The following MRPL30 variants were observed in gnomAD, a reference collection of about 807,000 sequenced individuals.
MRPL30 encodes large ribosomal subunit protein uL30m.
A neutral mutation model predicts 17.2 loss-of-function variants in MRPL30; 10 were observed. That is an observed-to-expected ratio of 0.58 (90% CI 0.36 to 0.99). MRPL30 has a LOEUF of 0.99. Ranked by LOEUF, MRPL30 falls within the 50% of genes least tolerant of loss-of-function variation. MRPL30 has a pLI of 0.01. For missense variants in MRPL30, 170 were observed against 189.8 expected (o/e 0.90, Z 0.61); for synonymous variants, 61 against 62.1 (o/e 0.98, Z 0.08).
chr2:99,198,944 A>T lies in MRPL30; in HGVS notation c.*3239A>T, dbSNP rs2093959223. Among the ~76,000 whole-genome samples the T allele has an allele frequency of 2.0e-5, 3 of 147,080 alleles. No individual in the cohort carries two copies. In the South Asian group the frequency reaches 6.5e-4, roughly 32 times the overall value. On this transcript the variant is annotated 3_prime_UTR_variant, in exon 6 of 6. Transcript: ENST00000338148. ...TTCAGGCCAAACACCTATTTTCTTCATTTTTTTTTTCTCATAAGAATGCTA... is the reference window on the plus strand; with the variant it reads ...TTCAGGCCAAACACCTATTTTCTTCTTTTTTTTTTTCTCATAAGAATGCTA...
chr2:99,184,524 C>T (rs886346136), intron 1 of MRPL30, among the ~76,000 whole-genome samples: 6 of 152,160 alleles, frequency 3.9e-5, no homozygotes, highest in African/African-American at 1.2e-4. Flanking sequence ...CCCACTTCAA[C>T]AGTGAGAATC....
rs1380953543 is a variant in MRPL30, at chr2:99,196,560, C to G, written c.*855C>G. The G allele has an allele frequency of 3.3e-5, 5 of 152,326 alleles. No homozygotes were observed. The highest frequency in any genetic ancestry group is 1.2e-4 in the African/African-American group (5 of 41,468). The allele number at this position is 152,326 out of a possible 1,614,324, so 9.4% of individuals were successfully genotyped here. On this transcript the variant is annotated 3_prime_UTR_variant, in exon 6 of 6. Transcript: ENST00000338148. Reference sequence around the variant, plus strand: ...GTTCAAGCCATCCTCCCACCTCAGCCTCCCAAAATGCTGGGATTACAGGCA... The same window carrying G: ...GTTCAAGCCATCCTCCCACCTCAGCGTCCCAAAATGCTGGGATTACAGGCA...
At chr2:99,184,471 A>G (rs930310935) in intron 1 of MRPL30, among the ~76,000 whole-genome samples, 3 of 152,192 alleles carry the variant, frequency 2.0e-5, no homozygotes, top group Non-Finnish European at 2.9e-5. Context: ...AATCTAGTAT[A>G]TAAGGATCAT....
chr2:99,184,041 C>G (rs898186956), intron 1 of MRPL30, among the ~76,000 whole-genome samples: 16 of 151,886 alleles, frequency 1.1e-4, no homozygotes, highest in Admixed American at 9.2e-4. Context: ...TTTGTTCTTT[C>G]TCATTAACTT....
intron 3 of MRPL30, among the ~76,000 whole-genome samples, chr2:99,193,978 C>T (rs1371234100): frequency 6.8e-6 from 1 of 146,410 alleles, no homozygotes; most frequent in Non-Finnish European, 1.5e-5. Context: ...GCAGAGGTTG[C>T]AGTGAGCCAA....
At chr2:99,184,790 G>T (rs1484558886) in intron 1 of MRPL30, among the ~76,000 whole-genome samples, 3 of 152,206 alleles carry the variant, frequency 2.0e-5, no homozygotes, top group Non-Finnish European at 4.4e-5. Context: ...GCTGAGGAAT[G>T]TTTCTGAGGT....
In MRPL30 at chr2:99,199,150, C is replaced by T. The variant is rs1332726818; in HGVS notation, c.*3445C>T. Among the ~76,000 whole-genome samples the T allele has an allele frequency of 6.6e-6, 1 of 152,074 alleles. No homozygotes were observed. Among genetic ancestry groups the T allele is most frequent in the Admixed American group, 6.5e-5 (1 of 15,268 alleles). On this transcript the variant is annotated 3_prime_UTR_variant, in exon 6 of 6. Transcript: ENST00000338148. Reference sequence around the variant, plus strand: ...TTTTTCTCAAAATGGGATAATTTTGCTTAACATAAGTAGTATCCCTTCCTT... The same window carrying T: ...TTTTTCTCAAAATGGGATAATTTTGTTTAACATAAGTAGTATCCCTTCCTT...
rs1443580649 is a variant in MRPL30 at position 99,186,259 on chromosome 2, G to A, written c.51+5G>A. The A allele has an allele frequency of 1.1e-5, 18 of 1,613,388 alleles. No homozygotes were observed. Among genetic ancestry groups the A allele is most frequent in the Non-Finnish European group, 1.4e-5 (16 of 1,179,570 alleles). On this transcript the variant is annotated splice_donor_5th_base_variant and intron_variant, in intron 2 of 5. Transcript: ENST00000338148. ...TGGCCCCCAGGCAGACTACAGGTAA[G>A]TGTTTCTTTTCAAGAATTTGTCTTT...
rs1195933063 is a variant in MRPL30, at chr2:99,196,459, A to G, written c.*754A>G. 6.6e-6 allele frequency: 1 copy of G among 151,986 alleles called. No individual in the cohort carries two copies. The highest frequency in any genetic ancestry group is 1.5e-5 in the Non-Finnish European group (1 of 68,036). The allele number at this position is 151,986 out of a possible 1,614,324, so 9.4% of individuals were successfully genotyped here. A position where few individuals can be genotyped will look rare whatever the true frequency, so the allele number is the denominator to read the frequency against. On this transcript the variant is annotated 3_prime_UTR_variant, in exon 6 of 6. Transcript: ENST00000338148. The stretch of plus-strand genomic sequence containing the variant: ...AGGACTACAGGCAGTGTGCCACCAC[A>G]TCCAGCTAATTTTTTAAAGTTTTTT...
intron 5 of MRPL30, 63 bp downstream of exon 5, chr2:99,195,252 T>G (rs990194642): frequency 6.8e-7 from 1 of 1,467,040 alleles, no homozygotes; most frequent in African/African-American, 1.4e-5. Flanking sequence ...AAATGCATTT[T>G]TCTTTTTTCG....
intron 1 of MRPL30, among the ~76,000 whole-genome samples, chr2:99,185,444 G>A (rs982971099): frequency 2.6e-5 from 4 of 152,152 alleles, no homozygotes; most frequent in Non-Finnish European, 5.9e-5. Flanking sequence ...AAATTGTAAC[G>A]CACGAATTAA....
intron 2 of MRPL30, chr2:99,186,986 A>G (rs184175217): frequency 6.6e-6 from 1 of 152,374 alleles, no homozygotes; most frequent in African/African-American, 2.4e-5. Flanking sequence ...AGATGAGCCT[A>G]TTGACCTGCT....
At position 99,195,683 on chromosome 2, in the gene MRPL30, A is replaced by C; in HGVS notation, c.464A>C (p.Glu155Ala). Residue 155 changes from glutamate to alanine, a missense_variant, in exon 6 of 6, where the codon GAG becomes GCG. Glu to Ala is a moderately radical substitution (Grantham distance 107, BLOSUM62 -1). Coordinates refer to ENST00000338148, the MANE Select transcript of MRPL30 (RefSeq NM_145212.4). Reference protein sequence around the residue: ...LVVQWHLKPVEQKAHES With the variant: ...LVVQWHLKPVAQKAHES The stretch of plus-strand genomic sequence containing the variant: ...GTGCAGTGGCATCTGAAACCTGTGG[A>C]GCAGAAAGCACATGAGTCCTAATGC... 1.2e-6 allele frequency: 2 copies of C among 1,613,254 alleles called. No individual in the cohort carries two copies. The highest frequency in any genetic ancestry group is 1.7e-6 in the Non-Finnish European group (2 of 1,179,792).
chr2:99,193,493 G>A (rs1486643085), intron 3 of MRPL30, among the ~76,000 whole-genome samples: 2 of 151,838 alleles, frequency 1.3e-5, no homozygotes, highest in Non-Finnish European at 2.9e-5. Flanking sequence ...TTGATCTAAT[G>A]TCTTTGAGAC....
chr2:99,188,657 C>G (rs778976073), intron 3 of MRPL30, among the ~76,000 whole-genome samples: 1 of 152,104 alleles, frequency 6.6e-6, no homozygotes, highest in Non-Finnish European at 1.5e-5. Flanking sequence ...TTCTGTGTAC[C>G]TATCATTCTT....
intron 1 of MRPL30, among the ~76,000 whole-genome samples, chr2:99,182,023 G>A (rs539832577): frequency 6.6e-6 from 1 of 152,092 alleles, no homozygotes; most frequent in African/African-American, 2.4e-5. Flanking sequence ...GTCGCTGGGG[G>A]GGAGAAGGGG....
At chr2:99,193,318 G>T (rs1047241399) in intron 3 of MRPL30, among the ~76,000 whole-genome samples, 1 of 152,102 alleles carries the variant, frequency 6.6e-6, no homozygotes, top group African/African-American at 2.4e-5. Flanking sequence ...AAAAAGTCAA[G>T]AAACAATAGA....
chr2:99,192,131 A>C (rs1178008806), intron 3 of MRPL30, among the ~76,000 whole-genome samples: 1 of 152,010 alleles, frequency 6.6e-6, no homozygotes, highest in East Asian at 1.9e-4. Flanking sequence ...TTTCTTTTAG[A>C]CTAGTCAAGT....
At position 99,196,822 on chromosome 2, in the gene MRPL30, A is replaced by C. The variant is rs2105251251; in HGVS notation, c.*1117A>C. The stretch of plus-strand genomic sequence containing the variant: ...TCTGTGCTTTGGTGTCTATAAGTAC[A>C]TATGTGGATATGGGTTCATTTTATC... On this transcript the variant is annotated 3_prime_UTR_variant, in exon 6 of 6. Transcript: ENST00000338148. 1 of 152,352 alleles carries C rather than the reference A, an allele frequency of 6.6e-6. No homozygotes were observed. Among genetic ancestry groups the C allele is most frequent in the African/African-American group, 2.4e-5 (1 of 41,582 alleles). The allele number at this position is 152,352 out of a possible 1,614,324, so 9.4% of individuals were successfully genotyped here. A position where few individuals can be genotyped will look rare whatever the true frequency, so the allele number is the denominator to read the frequency against.
Sources: gnomAD v4.1 joint callset for allele counts (sites outside exome capture counted in the v4.1 genomes callset) on GRCh38, gnomAD v4.1.1 for gene constraint, MANE v1.5 for transcripts, NCBI Gene and HGNC (gene_info 2026-07-23, HGNC 2026-07-21) for gene names.